Variants in EPHB1 observed in about 807,000 individuals in gnomAD.
The protein encoded by EPHB1 is ephrin type-B receptor 1.
Under a neutral mutation model 94.4 loss-of-function variants are expected in EPHB1, and 30 were observed. That is an observed-to-expected ratio of 0.32 (90% confidence interval 0.24 to 0.43). The LOEUF (loss-of-function observed/expected upper bound fraction) is 0.43. Among genes scored for constraint, EPHB1 ranks in the 20% least tolerant of loss-of-function variants. The probability of loss-of-function intolerance (pLI) is 1.00; values close to 1 mark genes in which losing one functional copy is unlikely to be tolerated. For missense variants in EPHB1, 1,055 were observed against 1,308.3 expected (o/e 0.81, Z 2.99); for synonymous variants, 522 against 489.1 (o/e 1.07, Z -0.89).
intron 1 of EPHB1, among the ~76,000 whole-genome samples, chr3:134,879,666 A>T (rs1185821629): frequency 1.3e-5 from 2 of 152,012 alleles, no homozygotes; most frequent in African/African-American, 2.4e-5. Context: ...TAAATAAATA[A>T]ATAGAATGGA....
intron 9 of EPHB1, among the ~76,000 whole-genome samples, chr3:135,169,307 C>G (rs1280032784): frequency 6.6e-6 from 1 of 152,208 alleles, no homozygotes; most frequent in Non-Finnish European, 1.5e-5. Flanking sequence ...TCCTGGGACT[C>G]AGGATGGATG....
At chr3:135,059,311 G>A (rs567709323) in intron 3 of EPHB1, among the ~76,000 whole-genome samples, 2 of 152,368 alleles carry the variant, frequency 1.3e-5, no homozygotes, top group South Asian at 4.1e-4. Context: ...AGGTGTCACT[G>A]AGAGTGCCTG....
chr3:134,903,899 G>C lies in EPHB1; in HGVS notation c.59-21917G>C, dbSNP rs775925088. ...CTGTGACCCCACCGCAGCCAGATGT[G>C]CCCACGAAGGAAAAAGCCTGAAGGC... On this transcript the variant is annotated intron_variant, in intron 1 of 15. Coordinates refer to ENST00000398015, the MANE Select transcript of EPHB1 (RefSeq NM_004441.5). Among the ~76,000 whole-genome samples, 117 of 152,198 alleles carry C rather than the reference G, an allele frequency of 7.7e-4. 1 individual carries two copies. Among genetic ancestry groups the C allele is most frequent in the Non-Finnish European group, 2.6e-4 (18 of 68,022 alleles).
At chr3:134,947,274 G>A (rs1481034965) in intron 2 of EPHB1, among the ~76,000 whole-genome samples, 1 of 152,080 alleles carries the variant, frequency 6.6e-6, no homozygotes, top group African/African-American at 2.4e-5. Context: ...TGTTGGGAAT[G>A]CCATTCTACC....
At chr3:135,092,712 A>G (rs1425717535) in intron 3 of EPHB1, among the ~76,000 whole-genome samples, 1 of 145,008 alleles carries the variant, frequency 6.9e-6, no homozygotes, top group Non-Finnish European at 1.5e-5. Flanking sequence ...TGCAACCTCC[A>G]CTTCCCAGGT....
intron 3 of EPHB1, among the ~76,000 whole-genome samples, chr3:134,991,390 GC>G (rs1934792476): frequency 6.6e-6 from 1 of 152,156 alleles, no homozygotes; most frequent in African/African-American, 2.4e-5. Context: ...CGCAACCAGG[GC>G]TGGTCTTCCT....
chr3:134,987,638 G>T (rs1270455507), intron 3 of EPHB1, among the ~76,000 whole-genome samples: 1 of 152,140 alleles, frequency 6.6e-6, no homozygotes, highest in Admixed American at 6.5e-5. Context: ...AGGTGTGGTG[G>T]CACGCGCTTG....
intron 3 of EPHB1, among the ~76,000 whole-genome samples, chr3:135,030,498 A>G (rs188302189): frequency 3.3e-5 from 5 of 152,186 alleles, no homozygotes; most frequent in East Asian, 1.9e-4. Flanking sequence ...AGGTGTCAGT[A>G]TGCCCCTGCT....
chr3:134,929,059 C>A (rs1009267910), intron 2 of EPHB1, among the ~76,000 whole-genome samples: 2 of 152,094 alleles, frequency 1.3e-5, no homozygotes, highest in Non-Finnish European at 2.9e-5. Flanking sequence ...AGGAGGTGGG[C>A]AGTAGAGACA....
At chr3:134,816,056 T>TCTGAATGGC (rs11276325) in intron 1 of EPHB1, among the ~76,000 whole-genome samples, 2 of 139,246 alleles carry the variant, frequency 1.4e-5, no homozygotes, top group Non-Finnish European at 3.0e-5. Context: ...CTGAGGTACT[T>TCTGAATGGC]TTTTTCTTTT....
intron 3 of EPHB1, among the ~76,000 whole-genome samples, chr3:135,033,597 A>G (rs776619325): frequency 2.9e-4 from 44 of 152,326 alleles, no homozygotes; most frequent in Non-Finnish European, 3.8e-4. Context: ...CAGGCATAGC[A>G]CTGGGGATTC....
Position 135,135,212 on chromosome 3 carries a change from G to A in EPHB1, c.1297+2163G>A, listed in dbSNP as rs773128722. On this transcript the variant is annotated intron_variant, in intron 5 of 15. Coordinates refer to ENST00000398015, the MANE Select transcript of EPHB1 (RefSeq NM_004441.5). ...TTCTGGTGTCAGAGAGTTTACACTC[G>A]CTGAGAGAAGGATGCAATTTCTTCT... Among the ~76,000 whole-genome samples the A allele has an allele frequency of 5.3e-4, 80 of 152,186 alleles. 2 individuals carry two copies. Among genetic ancestry groups the A allele is most frequent in the Non-Finnish European group, 1.5e-4 (10 of 68,012 alleles).
intron 3 of EPHB1, among the ~76,000 whole-genome samples, chr3:135,040,246 A>G (rs1222919269): frequency 1.3e-5 from 2 of 152,178 alleles, no homozygotes; most frequent in Admixed American, 1.3e-4. Context: ...CTTTCCTTTC[A>G]GGAGATTCGA....
intron 3 of EPHB1, among the ~76,000 whole-genome samples, chr3:134,956,532 G>A (rs1015293816): frequency 2.0e-5 from 3 of 152,128 alleles, no homozygotes; most frequent in Admixed American, 6.5e-5. Flanking sequence ...GGCCTTCATT[G>A]TCTGGGGCTG....
chr3:135,212,623 T>G (rs1038525462), intron 12 of EPHB1, among the ~76,000 whole-genome samples: 1 of 152,212 alleles, frequency 6.6e-6, no homozygotes, highest in Non-Finnish European at 1.5e-5. Context: ...TGTTATCTTG[T>G]TTCTAGGGAT....
intron 2 of EPHB1, among the ~76,000 whole-genome samples, chr3:134,926,855 A>G (rs539582121): frequency 1.4e-3 from 208 of 152,326 alleles, no homozygotes; most frequent in Non-Finnish European, 2.4e-3. Context: ...GTGACAAAAG[A>G]ATCAAGTTAA....
intron 2 of EPHB1, among the ~76,000 whole-genome samples, chr3:134,927,472 C>T (rs1478435788): frequency 6.6e-6 from 1 of 152,238 alleles, no homozygotes; most frequent in Admixed American, 6.5e-5. Context: ...ACCAGGAAAA[C>T]CTTCCCACTT....
chr3:135,059,121 C>T (rs977163906), intron 3 of EPHB1, among the ~76,000 whole-genome samples: 2 of 152,210 alleles, frequency 1.3e-5, no homozygotes, highest in Non-Finnish European at 1.5e-5. Flanking sequence ...AAGTTGATCC[C>T]CGATGTGCAG....
intron 1 of EPHB1, among the ~76,000 whole-genome samples, chr3:134,891,875 G>A (rs990317666): frequency 6.6e-6 from 1 of 152,198 alleles, no homozygotes; most frequent in Non-Finnish European, 1.5e-5. Flanking sequence ...CTTCTCTATA[G>A]TTCCGTCACA....
Sources: gnomAD v4.1 joint callset for allele counts (sites outside exome capture counted in the v4.1 genomes callset) on GRCh38, gnomAD v4.1.1 for gene constraint, MANE v1.5 for transcripts, NCBI Gene and HGNC (gene_info 2026-07-23, HGNC 2026-07-21) for gene names.